The following KYAT3 variants were observed in gnomAD, a reference collection of about 807,000 sequenced individuals.
KYAT3 encodes kynurenine aminotransferase 3.
KYAT3 carries 50 observed loss-of-function variants against 59.0 expected under a neutral mutation model. The ratio of observed to expected loss-of-function variants is 0.85; its 90% confidence interval spans 0.68 to 1.07. The LOEUF is 1.07. Among genes scored for constraint, KYAT3 ranks in the 50% least tolerant of loss-of-function variants. KYAT3 has a pLI of 0.00. For synonymous variants in KYAT3, 148 were observed against 177.0 expected (o/e 0.84, Z 1.30); for missense variants, 497 against 533.3 (o/e 0.93, Z 0.67).
chr1:88,984,815 C>A (rs529409055), intron 2 of KYAT3, among the ~76,000 whole-genome samples: 1 of 152,310 alleles, frequency 6.6e-6, no homozygotes, highest in African/African-American at 2.4e-5. Context: ...CTGGTTCTAG[C>A]ATTTTGATTA....
At chr1:88,924,243 C>A in the KYAT3 span, among the ~76,000 whole-genome samples, 1 of 152,230 alleles carries the variant, frequency 6.6e-6, no homozygotes, top group Non-Finnish European at 1.5e-5. Context: ...AGGCCATGGA[C>A]TGACAGGGTT....
intron 2 of KYAT3, chr1:88,983,535 G>C: frequency 6.2e-7 from 1 of 1,614,162 alleles, no homozygotes. Flanking sequence ...CTTGGAGGTG[G>C]GGGCGGTCCA....
At chr1:88,984,034 C>T (rs1304501393) in intron 2 of KYAT3, 9 of 478,480 alleles carry the variant, frequency 1.9e-5, no homozygotes, top group Non-Finnish European at 3.2e-5. Context: ...TTTCTTTTGC[C>T]ACTAGATGGC....
At chr1:88,989,229 T>A (rs942062670) in intron 1 of KYAT3, among the ~76,000 whole-genome samples, 2 of 152,172 alleles carry the variant, frequency 1.3e-5, no homozygotes, top group Non-Finnish European at 2.9e-5. Flanking sequence ...GGAAACTAAA[T>A]AGAGCTTCTA....
chr1:88,947,175 G>A (rs1171154832), intron 11 of KYAT3, among the ~76,000 whole-genome samples: 4 of 152,112 alleles, frequency 2.6e-5, no homozygotes, highest in Non-Finnish European at 5.9e-5. Context: ...GCCTAGATAT[G>A]CCACAGTGAC....
chr1:88,967,726 G>A (rs1167883442), intron 4 of KYAT3, among the ~76,000 whole-genome samples: 2 of 152,030 alleles, frequency 1.3e-5, no homozygotes, highest in Non-Finnish European at 1.5e-5. Context: ...ATGTTTGTAT[G>A]ATCAGTAATG....
At chr1:88,931,819 C>T (rs566360933), downstream of KYAT3, among the ~76,000 whole-genome samples, 95 of 136,316 alleles carry the variant, frequency 7.0e-4, no homozygotes, top group African/African-American at 2.4e-3. Context: ...GAGCCAGCAA[C>T]AGCTACCCTC....
At chr1:88,967,183 G>A (rs188355174) in intron 4 of KYAT3, among the ~76,000 whole-genome samples, 6 of 151,604 alleles carry the variant, frequency 4.0e-5, no homozygotes, top group Middle Eastern at 3.4e-3. Context: ...TATTTCTTTC[G>A]CTGGCATTTT....
At chr1:88,944,816 T>A (rs1157340663) in intron 11 of KYAT3, among the ~76,000 whole-genome samples, 1 of 152,182 alleles carries the variant, frequency 6.6e-6, no homozygotes, top group East Asian at 1.9e-4. Flanking sequence ...TCATTTATTC[T>A]TGTAGAGCTT....
intron 2 of KYAT3, chr1:88,980,298 G>A (rs1557703612): frequency 6.6e-6 from 1 of 152,604 alleles, no homozygotes; most frequent in Admixed American, 6.5e-5. Context: ...ACAGTTTACT[G>A]TAACTTGATA....
chr1:88,944,607 G>T (rs556141743), intron 11 of KYAT3, among the ~76,000 whole-genome samples: 1 of 152,152 alleles, frequency 6.6e-6, no homozygotes, highest in South Asian at 2.1e-4. Context: ...TTATTTCAAG[G>T]TATTTATATG....
the KYAT3 span, among the ~76,000 whole-genome samples, chr1:88,925,888 G>C: frequency 6.6e-6 from 1 of 152,152 alleles, no homozygotes; most frequent in Non-Finnish European, 1.5e-5. Flanking sequence ...GATAATTGAA[G>C]GTCTTCTCCC....
At chr1:88,982,741 G>A in intron 2 of KYAT3, 2 of 1,613,932 alleles carry the variant, frequency 1.2e-6, no homozygotes, top group Non-Finnish European at 1.7e-6. Flanking sequence ...AACTGCTGTA[G>A]GAATCACGTG....
chr1:88,942,809 G>A (rs1256291407), intron 13 of KYAT3, among the ~76,000 whole-genome samples, 196 bp downstream of exon 13: 4 of 151,896 alleles, frequency 2.6e-5, no homozygotes, highest in Admixed American at 6.6e-5. Context: ...TGATCAGCCC[G>A]CCTCGGCCTC....
At chr1:88,926,499 A>G in the KYAT3 span, among the ~76,000 whole-genome samples, 1 of 152,154 alleles carries the variant, frequency 6.6e-6, no homozygotes, top group Non-Finnish European at 1.5e-5. Flanking sequence ...TACTTTTTGT[A>G]TAGACAGGAT....
chr1:88,921,670 A>G, the KYAT3 span, among the ~76,000 whole-genome samples: 2 of 152,202 alleles, frequency 1.3e-5, no homozygotes, highest in African/African-American at 2.4e-5. Flanking sequence ...GGATGTGTAG[A>G]TGTATAGAAA....
At chr1:88,928,702 C>G in the KYAT3 span, among the ~76,000 whole-genome samples, 2 of 152,154 alleles carry the variant, frequency 1.3e-5, no homozygotes, top group Non-Finnish European at 2.9e-5. Context: ...CCTCACAGAG[C>G]CCCAGGTATG....
At chr1:88,949,013 C>A in intron 11 of KYAT3, 78 bp downstream of exon 11, 1 of 1,230,446 alleles carries the variant, frequency 8.1e-7, no homozygotes, top group Non-Finnish European at 1.1e-6. Context: ...GCTTTGACAC[C>A]AATCTTTTCT....
chr1:88,992,191 G>A (rs1057011796), intron 1 of KYAT3, among the ~76,000 whole-genome samples: 5 of 152,116 alleles, frequency 3.3e-5, no homozygotes, highest in African/African-American at 1.2e-4. Flanking sequence ...TGTTAGCCAG[G>A]ATGGTCTCGA....
Sources: gnomAD v4.1 joint callset for allele counts (sites outside exome capture counted in the v4.1 genomes callset) on GRCh38, gnomAD v4.1.1 for gene constraint, MANE v1.5 for transcripts, NCBI Gene and HGNC (gene_info 2026-07-23, HGNC 2026-07-21) for gene names.